HDLBP: variants seen among roughly 807,000 people sequenced by gnomAD.
HDLBP encodes the protein high density lipoprotein binding protein.
A neutral mutation model predicts 137.3 loss-of-function variants in HDLBP; 30 were observed. The observed-to-expected ratio is 0.22, with a 90% CI of 0.16 to 0.30. The LOEUF is 0.30. HDLBP is among the 10% of genes least tolerant of loss of function. The pLI is 1.00. For missense variants in HDLBP, 1,119 were observed against 1,667.3 expected (o/e 0.67, Z 5.73); for synonymous variants, 606 against 596.0 (o/e 1.02, Z -0.24).
chr2:241,245,236 T>C (rs2071578091), intron 16 of HDLBP, among the ~76,000 whole-genome samples: 1 of 151,334 alleles, frequency 6.6e-6, no homozygotes, highest in Non-Finnish European at 1.5e-5. Context: ...CAGGCTGGAG[T>C]GCAGCAGCGC....
chr2:241,283,408 G>C (rs1462562807), intron 1 of HDLBP, among the ~76,000 whole-genome samples: 5 of 152,126 alleles, frequency 3.3e-5, no homozygotes, highest in African/African-American at 1.2e-4. Flanking sequence ...CAGATTTTCA[G>C]TGTAAATGAG....
Position 241,236,767 on chromosome 2 carries a change from G to A in HDLBP, c.2752C>T (p.His918Tyr). Residue 918 changes from histidine to tyrosine, a missense_variant and splice_region_variant, in exon 21 of 28, where the codon CAC becomes TAC. His to Tyr is a moderately conservative substitution (Grantham distance 83). Coordinates refer to ENST00000310931, the MANE Select transcript of HDLBP (RefSeq NM_005336.6). ...KFPDREENAV[H>Y]STEPVVQENG... is the part of the protein sequence containing the mutation. ...TCCTGGACAACTGGCTCTGTACTGT[G>A]AACTAGAGAGAAAGGGGAAAAGGGA... 1.2e-6 allele frequency: 2 copies of A among 1,613,838 alleles called. No individual in the cohort carries two copies. Among genetic ancestry groups the A allele is most frequent in the Non-Finnish European group, 1.7e-6 (2 of 1,179,832 alleles).
rs2073495270 is a variant in HDLBP, at chr2:241,264,485, T to C, written c.197A>G (p.Asn66Ser). 3 of 1,613,652 alleles carry C rather than the reference T, an allele frequency of 1.9e-6. No homozygotes were observed. Among genetic ancestry groups the C allele is most frequent in the Non-Finnish European group, 2.5e-6 (3 of 1,179,608 alleles). ...SAQEPAGAWGNKIRPIKASVI... is the reference protein window; with the variant it reads ...SAQEPAGAWGSKIRPIKASVI... ...AGAAGCCTTGATGGGTCGGATCTTG[T>C]TCCCCCAGGCTCCAGCGGGTTCCTG... The change falls in exon 4 of 28, where the codon AAC becomes AGC. Residue 66 changes from asparagine (N) to serine (S), a missense_variant. Physicochemically the swap from Asn to Ser is conservative, Grantham distance 46. Transcript: ENST00000310931.
intron 3 of HDLBP, among the ~76,000 whole-genome samples, chr2:241,266,210 A>G (rs529442447): frequency 1.3e-5 from 2 of 152,332 alleles, no homozygotes; most frequent in East Asian, 3.9e-4. Context: ...AATCTCAAAT[A>G]TCAATGGTTC....
chr2:241,259,960 G>C (rs1201420741), intron 5 of HDLBP, among the ~76,000 whole-genome samples: 1 of 152,124 alleles, frequency 6.6e-6, no homozygotes, highest in Non-Finnish European at 1.5e-5. Flanking sequence ...TGTAAGATTA[G>C]CCTGAGGCAT....
intron 1 of HDLBP, among the ~76,000 whole-genome samples, chr2:241,286,892 G>C (rs1409615373): frequency 6.6e-6 from 1 of 150,752 alleles, no homozygotes; most frequent in African/African-American, 2.4e-5. Flanking sequence ...TGAGCAGTGA[G>C]CCATGATGGC....
chr2:241,234,976 G>A, intron 23 of HDLBP, 145 bp downstream of exon 23: 1 of 914,816 alleles, frequency 1.1e-6, no homozygotes, highest in Non-Finnish European at 1.6e-6. Context: ...CCTGGATGCT[G>A]ACTGCGTCCT....
chr2:241,266,560 C>T (rs2073689281), intron 3 of HDLBP: 2 of 496,720 alleles, frequency 4.0e-6, no homozygotes, highest in South Asian at 2.9e-5. Flanking sequence ...CGCTGGCTTT[C>T]CAGAAAGCTG....
chr2:241,313,551 T>C (rs2075826564), intron 1 of HDLBP, among the ~76,000 whole-genome samples: 1 of 152,188 alleles, frequency 6.6e-6, no homozygotes. Flanking sequence ...AGTGCTGGGA[T>C]TACAAGCGTG....
At chr2:241,265,939 A>G (rs1014708093) in intron 3 of HDLBP, among the ~76,000 whole-genome samples, 2 of 152,240 alleles carry the variant, frequency 1.3e-5, no homozygotes, top group African/African-American at 2.4e-5. Flanking sequence ...AGCCACCAGA[A>G]ATGAGCTTCT....
At chr2:241,285,942 T>G (rs1343540201) in intron 1 of HDLBP, among the ~76,000 whole-genome samples, 1 of 152,218 alleles carries the variant, frequency 6.6e-6, no homozygotes, top group Non-Finnish European at 1.5e-5. Flanking sequence ...AAGGATCATT[T>G]GAACCCAATT....
intron 1 of HDLBP, among the ~76,000 whole-genome samples, chr2:241,271,689 C>CA (rs2074049648): frequency 6.6e-6 from 1 of 152,220 alleles, no homozygotes; most frequent in South Asian, 2.1e-4. Context: ...ATGAGACCCG[C>CA]AAGTGCTTTA....
At chr2:241,236,554 T>TC in intron 21 of HDLBP, 61 bp downstream of exon 21, 2 of 1,564,790 alleles carry the variant, frequency 1.3e-6, no homozygotes, top group Non-Finnish European at 1.8e-6. Flanking sequence ...GCCACGCGTC[T>TC]CCCCAGGTGC....
chr2:241,251,719 A>G (rs1269435948), intron 11 of HDLBP, among the ~76,000 whole-genome samples: 3 of 152,278 alleles, frequency 2.0e-5, no homozygotes, highest in African/African-American at 7.2e-5. Flanking sequence ...TCATGCCTGT[A>G]ATCCCAGCAC....
In HDLBP at chr2:241,272,388, G is replaced by A. The variant is rs1357714585; in HGVS notation, c.-102-3847C>T. ...GGGCTCAGGTCGGCCGCCCCTCCGC[G>A]CCGTGCGGCCACGGCACCAGGGGTG... On this transcript the variant is annotated intron_variant, in intron 1 of 27. Transcript: ENST00000310931. The surrounding 1 kb of genome is among the most constrained non-coding windows in gnomAD (Gnocchi z 5.6). 48 of 984,580 alleles carry A rather than the reference G, an allele frequency of 4.9e-5. No homozygotes were observed. Among genetic ancestry groups the A allele is most frequent in the Non-Finnish European group, 5.8e-5 (48 of 829,712 alleles). 61.0% of individuals were successfully genotyped at this position (984,580 alleles called of 1,614,324 possible).
intron 1 of HDLBP, among the ~76,000 whole-genome samples, chr2:241,281,066 A>C (rs1433496156): frequency 1.3e-5 from 2 of 152,234 alleles, no homozygotes; most frequent in Non-Finnish European, 2.9e-5. Context: ...TTTCTTAATA[A>C]GATGGGGGGC....
chr2:241,253,165 T>C, intron 10 of HDLBP, 130 bp from the exon 11 acceptor site: 1 of 685,202 alleles, frequency 1.5e-6, no homozygotes, highest in Non-Finnish European at 2.6e-6. Context: ...AGACTGCCCC[T>C]GCATCTCCCC....
At chr2:241,274,544 G>A (rs1378517649) in intron 1 of HDLBP, among the ~76,000 whole-genome samples, 1 of 152,176 alleles carries the variant, frequency 6.6e-6, no homozygotes, top group Non-Finnish European at 1.5e-5. Context: ...AAAGAGTAAC[G>A]GGTAGGGATT....
intron 15 of HDLBP, 34 bp from the exon 16 acceptor site, chr2:241,246,917 T>G (rs759149205): frequency 3.7e-6 from 6 of 1,612,896 alleles, no homozygotes; most frequent in Admixed American, 3.3e-5. Context: ...AGAAGCTGAC[T>G]AGAGCTCTCC....
Sources: allele counts gnomAD v4.1 joint callset (sites outside exome capture counted in the v4.1 genomes callset), GRCh38; gene constraint gnomAD v4.1.1; non-coding constraint Gnocchi (gnomAD v3.1); transcripts MANE v1.5; gene names NCBI Gene and HGNC (gene_info 2026-07-23, HGNC 2026-07-21).